MALRD1: variants seen among roughly 807,000 people sequenced by gnomAD.
The protein encoded by MALRD1 is MAM and LDL-receptor class A domain-containing protein 1.
MALRD1 carries 247 observed loss-of-function variants against 242.1 expected under a neutral mutation model. The ratio of observed to expected loss-of-function variants is 1.02; its 90% CI spans 0.92 to 1.13. The LOEUF (loss-of-function observed/expected upper bound fraction) is 1.13, where lower values mean the gene tolerates loss of function less well. MALRD1 is among the 50% of genes most tolerant of loss of function. The pLI is 0.00. For synonymous variants in MALRD1, 995 were observed against 866.6 expected (o/e 1.15, Z -2.60); for missense variants, 2,989 against 2,533.1 (o/e 1.18, Z -3.86).
chr10:19,441,662 A>G (rs141167366), intron 28 of MALRD1, among the ~76,000 whole-genome samples: 1 of 151,866 alleles, frequency 6.6e-6, no homozygotes, highest in Non-Finnish European at 1.5e-5. Flanking sequence ...TATTATTTCT[A>G]AGGTTTCTGT....
chr10:19,434,269 C>G (rs1834261781), intron 28 of MALRD1, among the ~76,000 whole-genome samples: 1 of 152,142 alleles, frequency 6.6e-6, no homozygotes, highest in African/African-American at 2.4e-5. Context: ...TTACACATAT[C>G]TATCCAATGT....
chr10:19,493,177 A>G (rs1837565137), intron 30 of MALRD1: 1 of 152,036 alleles, frequency 6.6e-6, no homozygotes. Context: ...CTTCCCCTAG[A>G]CCATGGTAAC....
Position 19,352,286 on chromosome 10 carries a change from C to T in MALRD1, c.4430C>T (p.Pro1477Leu). 6.5e-7 allele frequency: 1 copy of T among 1,536,274 alleles called. No homozygotes were observed. The highest frequency in any genetic ancestry group is 8.7e-7 in the Non-Finnish European group (1 of 1,143,366). Residue 1477 changes from proline to leucine, a missense_variant, in exon 26 of 40, where the codon CCT (proline) becomes CTT (leucine). Transcript: ENST00000454679. ...TCCGTGCAAGAAGAACTGGCAGTGC[C>T]TCTTCCAACAGGTACATTCTAATCT... ...HDSVQEELAVPLPTGFCPLGY... is the reference protein window; with the variant it reads ...HDSVQEELAVLLPTGFCPLGY...
chr10:19,453,890 T>A (rs973895754), intron 29 of MALRD1, among the ~76,000 whole-genome samples: 1 of 143,660 alleles, frequency 7.0e-6, no homozygotes, highest in Admixed American at 7.1e-5. Context: ...AAAAAAAAAA[T>A]TGAAAATTAA....
At chr10:19,368,604 C>A (rs929103870) in intron 26 of MALRD1, among the ~76,000 whole-genome samples, 1 of 151,730 alleles carries the variant, frequency 6.6e-6, no homozygotes, top group African/African-American at 2.4e-5. Flanking sequence ...TATTTGGGGT[C>A]TTTTGTAATG....
rs1221985813 is a variant in MALRD1, at chr10:19,136,705, G to A, written c.1335G>A (p.Gln445=). The part of the protein sequence containing the change: ...SADEFPCTSG[Q]CIAKESVCDS... ...ACGAATTCCCTTGCACTAGTGGCCA[G>A]TGCATCGCCAAAGAATCTGTCTGTG... The change falls in exon 10 of 40, where the codon CAG becomes CAA. Residue 445 remains glutamine (Q), a synonymous_variant. Transcript: ENST00000454679. 8.1e-6 allele frequency: 10 copies of A among 1,231,704 alleles called. No individual in the cohort carries two copies. In the East Asian group the frequency reaches 2.8e-4, roughly 35 times the overall value. The allele number at this position is 1,231,704 out of a possible 1,614,324, so 76.3% of individuals were successfully genotyped here.
chr10:19,303,045 A>G (rs1315117265), intron 21 of MALRD1, among the ~76,000 whole-genome samples: 1 of 151,636 alleles, frequency 6.6e-6, no homozygotes, highest in Non-Finnish European at 1.5e-5. Flanking sequence ...ACAAAAGATT[A>G]AATATGTTTG....
intron 12 of MALRD1, among the ~76,000 whole-genome samples, chr10:19,164,368 A>C (rs939571132): frequency 1.3e-5 from 2 of 152,200 alleles, no homozygotes; most frequent in African/African-American, 4.8e-5. Context: ...CTATATATAC[A>C]CTAGAATCTG....
At chr10:19,300,614 C>T (rs1328673364) in intron 21 of MALRD1, among the ~76,000 whole-genome samples, 1 of 151,848 alleles carries the variant, frequency 6.6e-6, no homozygotes, top group Non-Finnish European at 1.5e-5. Context: ...GGGGAAAGGA[C>T]TCCCCTAGTC....
intron 29 of MALRD1, among the ~76,000 whole-genome samples, chr10:19,462,556 T>G (rs993774192): frequency 6.6e-6 from 1 of 152,224 alleles, no homozygotes; most frequent in Non-Finnish European, 1.5e-5. Flanking sequence ...TTTCCTGATC[T>G]GTGGGCCTCA....
chr10:19,467,311 C>T (rs1486839684), intron 29 of MALRD1, among the ~76,000 whole-genome samples: 3 of 142,742 alleles, frequency 2.1e-5, no homozygotes, highest in Non-Finnish European at 3.1e-5. Context: ...GCCGAGATCG[C>T]GCCACTGCAC....
At chr10:19,701,395 A>T (rs920057494) in intron 38 of MALRD1, among the ~76,000 whole-genome samples, 31 of 152,152 alleles carry the variant, frequency 2.0e-4, no homozygotes, top group African/African-American at 6.7e-4. Context: ...CTCAAATGTC[A>T]TATATTCTCT....
chr10:19,550,587 C>G (rs1667973240), intron 32 of MALRD1, among the ~76,000 whole-genome samples: 1 of 152,068 alleles, frequency 6.6e-6, no homozygotes, highest in African/African-American at 2.4e-5. Context: ...AGTGTGAGAA[C>G]ATGCGGTATT....
chr10:19,396,213 C>A (rs555313319), intron 28 of MALRD1, among the ~76,000 whole-genome samples: 2 of 150,484 alleles, frequency 1.3e-5, no homozygotes, highest in African/African-American at 4.9e-5. Context: ...TCTCAGCTCA[C>A]TGCAACCTCC....
intron 38 of MALRD1, among the ~76,000 whole-genome samples, chr10:19,704,350 G>T (rs912356818): frequency 1.3e-5 from 2 of 152,142 alleles, no homozygotes; most frequent in Non-Finnish European, 2.9e-5. Context: ...AGTTTCTGGT[G>T]AGGACCCTCT....
At chr10:19,146,451 T>C in intron 11 of MALRD1, 107 bp downstream of exon 11, 1 of 1,006,758 alleles carries the variant, frequency 9.9e-7, no homozygotes, top group Non-Finnish European at 1.3e-6. Flanking sequence ...TACATGGAAC[T>C]CTGGTTTGTC....
At chr10:19,671,587 C>T (rs956096733) in intron 36 of MALRD1, among the ~76,000 whole-genome samples, 2 of 151,736 alleles carry the variant, frequency 1.3e-5, no homozygotes, top group African/African-American at 2.4e-5. Context: ...CACTGCACTC[C>T]AGCACTCCAG....
intron 29 of MALRD1, among the ~76,000 whole-genome samples, chr10:19,480,571 AG>A (rs1285436454): frequency 6.6e-6 from 1 of 152,178 alleles, no homozygotes; most frequent in African/African-American, 2.4e-5. Context: ...CCAGAATGGG[AG>A]GGGTTGACAT....
chr10:19,416,190 A>T (rs1326908526), intron 28 of MALRD1, among the ~76,000 whole-genome samples: 2 of 152,218 alleles, frequency 1.3e-5, no homozygotes, highest in African/African-American at 4.8e-5. Context: ...AGACAAAGCA[A>T]GGTAGTGGTT....
Sources: allele counts gnomAD v4.1 joint callset (sites outside exome capture counted in the v4.1 genomes callset), GRCh38; gene constraint gnomAD v4.1.1; transcripts MANE v1.5; gene names NCBI Gene and HGNC (gene_info 2026-07-23, HGNC 2026-07-21).